Variants in GAS7 observed in about 807,000 individuals in gnomAD.
GAS7 encodes growth arrest-specific protein 7.
A neutral mutation model predicts 71.1 loss-of-function variants in GAS7; 28 were observed. The ratio of observed to expected loss-of-function variants is 0.39; its 90% CI spans 0.29 to 0.54. The LOEUF (loss-of-function observed/expected upper bound fraction) is 0.54, where lower values mean the gene tolerates loss of function less well. GAS7 is among the 20% of genes least tolerant of loss of function. GAS7 has a pLI of 0.62. For missense variants in GAS7, 436 were observed against 627.8 expected, an observed-to-expected ratio of 0.69 and a Z score of 3.27; for synonymous variants, 258 against 245.8, an observed-to-expected ratio of 1.05 and a Z score of -0.46.
At chr17:9,973,612 C>T (rs1250023997) in intron 3 of GAS7, among the ~76,000 whole-genome samples, 1 of 152,182 alleles carries the variant, frequency 6.6e-6, no homozygotes, top group Admixed American at 6.5e-5. Context: ...ATCTTCAACA[C>T]CAAACCTTCC....
intron 1 of GAS7, among the ~76,000 whole-genome samples, chr17:10,047,894 T>C (rs2073002429): frequency 1.3e-5 from 2 of 152,252 alleles, no homozygotes; most frequent in Non-Finnish European, 2.9e-5. Context: ...GTAACATATA[T>C]GTTTAAAAAT....
chr17:10,068,209 G>A (rs1013959971), intron 1 of GAS7, among the ~76,000 whole-genome samples: 1 of 152,208 alleles, frequency 6.6e-6, no homozygotes, highest in African/African-American at 2.4e-5. Flanking sequence ...TTGATAGGCC[G>A]GCTCTTCCCA....
At chr17:10,168,907 T>A (rs2074314564) in intron 1 of GAS7, among the ~76,000 whole-genome samples, 2 of 150,452 alleles carry the variant, frequency 1.3e-5, no homozygotes, top group Non-Finnish European at 3.0e-5. Context: ...GAGGCAGAGC[T>A]TGCAGTGAGC....
chr17:10,075,356 C>CA (rs985932528), intron 1 of GAS7, among the ~76,000 whole-genome samples: 172 of 115,944 alleles, frequency 1.5e-3, no homozygotes, highest in South Asian at 2.4e-3. Flanking sequence ...CACTGTCTCA[C>CA]AAAAAAAAAA....
intron 1 of GAS7, among the ~76,000 whole-genome samples, chr17:10,042,024 C>T (rs1036537523): frequency 7.2e-5 from 11 of 152,126 alleles, no homozygotes; most frequent in East Asian, 3.9e-4. Context: ...AGGCCGAGCA[C>T]GGTGGCTCAT....
At position 10,103,691 on chromosome 17, in the gene GAS7, T is replaced by C. The variant is rs1341118347; in HGVS notation, c.184-83794A>G. 6.6e-6 allele frequency among the ~76,000 whole-genome samples: 1 copy of C among 152,064 alleles called. No homozygotes were observed. The highest frequency in any genetic ancestry group is 6.5e-5 in the Admixed American group (1 of 15,276). The stretch of plus-strand genomic sequence containing the variant: ...AAATACAAAAATTAGCTGGGTGTGG[T>C]GGCACATGCCTGTAATCCCGGCTAC... On this transcript the variant is annotated intron_variant, in intron 1 of 13. Coordinates refer to ENST00000432992, the MANE Select transcript of GAS7 (RefSeq NM_201433.2). This position sits in a 1 kb window ranked among gnomAD's most constrained non-coding sequence, Gnocchi z 5.5.
At chr17:10,155,326 CT>C (rs34734294) in intron 1 of GAS7, among the ~76,000 whole-genome samples, 60,750 of 151,802 alleles carry the variant, frequency 0.4, 12,647 homozygotes, top group South Asian at 0.51. Context: ...ACCAATAACT[CT>C]TTTTAAGACA....
intron 1 of GAS7, among the ~76,000 whole-genome samples, chr17:10,058,327 C>T (rs181422969): frequency 2.1e-3 from 324 of 152,200 alleles, no homozygotes; most frequent in African/African-American, 7.5e-3. Flanking sequence ...GTGGCAGGTG[C>T]CTGTAGTCCA....
At chr17:9,993,379 G>GT (rs1245792294) in intron 2 of GAS7, among the ~76,000 whole-genome samples, 1 of 152,148 alleles carries the variant, frequency 6.6e-6, no homozygotes, top group Non-Finnish European at 1.5e-5. Flanking sequence ...TTTTTCATGT[G>GT]TTTTTTGGCT....
At chr17:10,173,144 A>C (rs2074347522) in intron 1 of GAS7, among the ~76,000 whole-genome samples, 1 of 152,190 alleles carries the variant, frequency 6.6e-6, no homozygotes, top group African/African-American at 2.4e-5. Context: ...TAGAACCAGA[A>C]AACAGATGAG....
intron 2 of GAS7, among the ~76,000 whole-genome samples, chr17:10,005,184 TATGTGC>T (rs2071456170): frequency 7.5e-6 from 1 of 133,594 alleles, no homozygotes; most frequent in Non-Finnish European, 1.7e-5. Flanking sequence ...CATGTATGTG[TATGTGC>T]ACGCATGCAT....
Position 10,198,289 on chromosome 17 carries a change from G to C in GAS7, c.102C>G (p.Val34=). The change falls in exon 1 of 14, where the codon GTC becomes GTG. Residue 34 remains valine (V), a synonymous_variant. Coordinates refer to ENST00000432992, the MANE Select transcript of GAS7 (RefSeq NM_201433.2). ...AAGELITLLQ[V]PDGGWWEGEK... ...CGCCTTCCCACCAGCCGCCGTCCGG[G>C]ACCTGCAGCAGCGTGATCAGCTCGC... The C allele has an allele frequency of 6.2e-7, 1 of 1,605,140 alleles. No homozygotes were observed. The highest frequency in any genetic ancestry group is 8.5e-7 in the Non-Finnish European group (1 of 1,179,480).
chr17:9,976,778 C>A lies in GAS7; in HGVS notation c.385+5026G>T, dbSNP rs182518091. On this transcript the variant is annotated intron_variant, in intron 3 of 13. Coordinates refer to ENST00000432992, the MANE Select transcript of GAS7 (RefSeq NM_201433.2). ...CCTGAAACACTCCCACAACCGCCCA[C>A]CAGGACAACCTCAAAAAATAATAGA... 6.6e-5 allele frequency among the ~76,000 whole-genome samples: 10 copies of A among 152,342 alleles called. No individual in the cohort carries two copies. The East Asian group carries it at 1.9e-3, about 29-fold the overall frequency.
At chr17:10,070,552 C>T (rs1371735622) in intron 1 of GAS7, among the ~76,000 whole-genome samples, 3 of 151,502 alleles carry the variant, frequency 2.0e-5, no homozygotes, top group African/African-American at 7.3e-5. Flanking sequence ...TTAGTAGAGA[C>T]GGGGTTTCAC....
chr17:10,153,233 G>A (rs1034138957), intron 1 of GAS7, among the ~76,000 whole-genome samples: 10 of 38,044 alleles, frequency 2.6e-4, no homozygotes, highest in African/African-American at 1.5e-3. Flanking sequence ...TGGGCGTGGT[G>A]GCTCACGCCT....
At chr17:10,009,150 C>G (rs2071656196) in intron 2 of GAS7, among the ~76,000 whole-genome samples, 1 of 151,408 alleles carries the variant, frequency 6.6e-6, no homozygotes. Flanking sequence ...GAAACCCCGT[C>G]TCTACTAAAA....
intron 5 of GAS7, among the ~76,000 whole-genome samples, chr17:9,956,018 C>T (rs954427413): frequency 7.9e-5 from 12 of 152,186 alleles, no homozygotes; most frequent in African/African-American, 2.9e-4. Flanking sequence ...CAGTGGGACA[C>T]AGCAGCCAGA....
intron 1 of GAS7, among the ~76,000 whole-genome samples, chr17:10,038,018 A>AGGGT (rs2072788212): frequency 6.6e-6 from 1 of 152,136 alleles, no homozygotes; most frequent in African/African-American, 2.4e-5. Flanking sequence ...TCAAAACTAC[A>AGGGT]GTGAGATATT....
intron 1 of GAS7, among the ~76,000 whole-genome samples, chr17:10,146,825 A>G (rs1349013430): frequency 6.6e-6 from 1 of 152,132 alleles, no homozygotes; most frequent in Non-Finnish European, 1.5e-5. Flanking sequence ...TCTACTAAAA[A>G]TACAAAAAAT....
Sources: allele counts gnomAD v4.1 joint callset (sites outside exome capture counted in the v4.1 genomes callset), GRCh38; gene constraint gnomAD v4.1.1; non-coding constraint Gnocchi (gnomAD v3.1); transcripts MANE v1.5; gene names NCBI Gene and HGNC (gene_info 2026-07-23, HGNC 2026-07-21).